Variants in CRACD observed in about 807,000 individuals in gnomAD.
CRACD encodes capping protein-inhibiting regulator of actin dynamics.
In CRACD, 56 loss-of-function variants were observed where a neutral mutation model predicts 106.8. That is an observed-to-expected ratio of 0.52 (90% CI 0.42 to 0.66). The LOEUF (loss-of-function observed/expected upper bound fraction) is 0.66, where lower values mean the gene tolerates loss of function less well. Ranked by LOEUF, CRACD falls within the 30% of genes least tolerant of loss-of-function variation. The probability of loss-of-function intolerance (pLI) is 0.00; values close to 1 mark genes in which losing one functional copy is unlikely to be tolerated. For missense variants in CRACD, 1,730 were observed against 1,623.2 expected, an observed-to-expected ratio of 1.07 and a Z score of -1.13; for synonymous variants, 754 against 670.8, an observed-to-expected ratio of 1.12 and a Z score of -1.92.
intron 1 of CRACD, among the ~76,000 whole-genome samples, chr4:56,050,176 A>G (rs1360529464): frequency 6.6e-6 from 1 of 151,526 alleles, no homozygotes; most frequent in Non-Finnish European, 1.5e-5. Context: ...GTGGAGGGGG[A>G]GGGGGAAGAA....
intron 3 of CRACD, among the ~76,000 whole-genome samples, chr4:56,295,540 G>A (rs1200419069): frequency 2.0e-5 from 3 of 151,698 alleles, no homozygotes; most frequent in African/African-American, 4.8e-5. Flanking sequence ...CTTAGCCTAT[G>A]TGGAAAAATA....
chr4:56,156,946 T>C (rs1220623845), intron 1 of CRACD, among the ~76,000 whole-genome samples: 1 of 152,204 alleles, frequency 6.6e-6, no homozygotes, highest in African/African-American at 2.4e-5. Flanking sequence ...TGTTGCTGTT[T>C]TTCATGACTG....
intron 1 of CRACD, among the ~76,000 whole-genome samples, chr4:56,103,343 T>C (rs1233121041): frequency 2.0e-5 from 3 of 152,228 alleles, no homozygotes; most frequent in Non-Finnish European, 2.9e-5. Flanking sequence ...GGCTTGTGCC[T>C]GTAATCTCAG....
intron 2 of CRACD, among the ~76,000 whole-genome samples, chr4:56,256,551 G>A (rs1201316260): frequency 5.3e-5 from 8 of 152,128 alleles, no homozygotes; most frequent in African/African-American, 4.8e-5. Context: ...TTTCCATGAA[G>A]CCTGAGCTGC....
rs766021759 is a variant in CRACD, at chr4:56,316,343, G to A, written c.2841G>A (p.Glu947=). The A allele has an allele frequency of 1.6e-5, 26 of 1,613,942 alleles. No individual in the cohort carries two copies. The East Asian group carries it at 5.6e-4, about 35-fold the overall frequency. The change falls in exon 8 of 11, where the codon GAG becomes GAA. Residue 947 remains glutamate (E), a synonymous_variant. Coordinates refer to ENST00000682029, the MANE Select transcript of CRACD (RefSeq NM_001393381.1). ...PPASSQTPAP[E]HDKAANKMPL... is the part of the protein sequence containing the mutation. ...CCAGCAGCCAGACCCCGGCTCCGGA[G>A]CACGACAAGGCAGCAAACAAAATGC... is the stretch of plus-strand genomic sequence containing the variant.
intron 6 of CRACD, 84 bp from the exon 7 acceptor site, chr4:56,313,113 A>G: frequency 1.6e-6 from 2 of 1,252,480 alleles, no homozygotes; most frequent in Non-Finnish European, 2.3e-6. Flanking sequence ...CGAGGCGCAC[A>G]CTGGAACGAG....
At chr4:56,151,516 T>C (rs532568972) in intron 1 of CRACD, among the ~76,000 whole-genome samples, 1 of 152,236 alleles carries the variant, frequency 6.6e-6, no homozygotes, top group South Asian at 2.1e-4. Flanking sequence ...TTAGAATAGT[T>C]TGTGTTTTCT....
chr4:56,306,430 C>G (rs915195996), intron 4 of CRACD, among the ~76,000 whole-genome samples: 4 of 152,008 alleles, frequency 2.6e-5, no homozygotes, highest in Non-Finnish European at 5.9e-5. Flanking sequence ...GGAGAATCAT[C>G]TGAACCTGGG....
chr4:56,217,132 C>T (rs902460732), intron 2 of CRACD, among the ~76,000 whole-genome samples: 5 of 151,920 alleles, frequency 3.3e-5, no homozygotes, highest in Non-Finnish European at 5.9e-5. Flanking sequence ...GGCTGGGGGT[C>T]ATTGCTCATC....
intron 3 of CRACD, among the ~76,000 whole-genome samples, chr4:56,291,670 A>T (rs1407228685): frequency 6.6e-6 from 1 of 152,160 alleles, no homozygotes; most frequent in Non-Finnish European, 1.5e-5. Context: ...TGCTCTCACC[A>T]CATGACTGAC....
intron 2 of CRACD, among the ~76,000 whole-genome samples, chr4:56,268,024 C>T (rs1406803851): frequency 6.6e-6 from 1 of 152,134 alleles, no homozygotes; most frequent in Non-Finnish European, 1.5e-5. Flanking sequence ...TGTTCACTTG[C>T]TGTTTCCCCC....
Position 56,316,325 on chromosome 4 carries a change from C to T in CRACD, c.2823C>T (p.Ser941=). The T allele has an allele frequency of 1.9e-6, 3 of 1,614,042 alleles. No individual in the cohort carries two copies. Among genetic ancestry groups the T allele is most frequent in the Non-Finnish European group, 2.5e-6 (3 of 1,179,920 alleles). ...VAHPGPPPAS[S]QTPAPEHDKA... ...ACCCTGGGCCTCCACCGGCCAGCAG[C>T]CAGACCCCGGCTCCGGAGCACGACA... Residue 941 remains serine, a synonymous_variant, in exon 8 of 11, where the codon AGC becomes AGT. Coordinates refer to ENST00000682029, the MANE Select transcript of CRACD (RefSeq NM_001393381.1).
chr4:56,119,631 A>C (rs565429514), intron 1 of CRACD, among the ~76,000 whole-genome samples: 1 of 151,980 alleles, frequency 6.6e-6, no homozygotes, highest in East Asian at 1.9e-4. Flanking sequence ...CACCGCACCC[A>C]GCCCTATTCT....
At chr4:56,188,062 A>T (rs528116953) in intron 2 of CRACD, among the ~76,000 whole-genome samples, 1 of 152,348 alleles carries the variant, frequency 6.6e-6, no homozygotes, top group African/African-American at 2.4e-5. Flanking sequence ...AGGAAAAGGA[A>T]AAAGCATCCT....
chr4:56,189,494 C>T (rs567029960), intron 2 of CRACD, among the ~76,000 whole-genome samples: 123 of 150,080 alleles, frequency 8.2e-4, no homozygotes, highest in African/African-American at 3.0e-3. Context: ...GTGTGCTGCA[C>T]CCATTAACTC....
In CRACD at chr4:56,314,933, T is replaced by G. The variant is rs1394642360; in HGVS notation, c.1431T>G (p.Pro477=). The G allele has an allele frequency of 3.1e-6, 5 of 1,600,526 alleles. No homozygotes were observed. Among genetic ancestry groups the G allele is most frequent in the Non-Finnish European group, 4.3e-6 (5 of 1,174,938 alleles). ...GGGATTTCCAGGGGGCCGATCGTCC[T>G]GGGCCCGAGGAAAAGAGAGAAGAAG... The part of the protein sequence containing the change: ...RSGDFQGADR[P]GPEEKREEGD... Residue 477 remains proline, a synonymous_variant, in exon 8 of 11, where the codon CCT becomes CCG. Coordinates refer to ENST00000682029, the MANE Select transcript of CRACD (RefSeq NM_001393381.1). This position sits in a 1 kb window ranked among gnomAD's most constrained non-coding sequence, Gnocchi z 4.4.
At chr4:56,242,883 T>G (rs1002981693) in intron 2 of CRACD, among the ~76,000 whole-genome samples, 20 of 152,088 alleles carry the variant, frequency 1.3e-4, no homozygotes, top group Non-Finnish European at 8.8e-5. Flanking sequence ...CGTGGAAGTT[T>G]GTACACTTCA....
chr4:56,074,220 A>G (rs191455212), intron 1 of CRACD, among the ~76,000 whole-genome samples: 1 of 152,302 alleles, frequency 6.6e-6, no homozygotes, highest in African/African-American at 2.4e-5. Flanking sequence ...TAATTCTGTG[A>G]AGAAAGTCAA....
intron 1 of CRACD, among the ~76,000 whole-genome samples, chr4:56,049,533 C>T (rs1425508137): frequency 1.3e-5 from 2 of 152,200 alleles, no homozygotes; most frequent in African/African-American, 4.8e-5. Context: ...GCTTTGGATC[C>T]CCGCAGGGGA....
Sources: allele counts gnomAD v4.1 joint callset (sites outside exome capture counted in the v4.1 genomes callset), GRCh38; gene constraint gnomAD v4.1.1; non-coding constraint Gnocchi (gnomAD v3.1); transcripts MANE v1.5; gene names NCBI Gene and HGNC (gene_info 2026-07-23, HGNC 2026-07-21).